RGS9: variants seen among roughly 807,000 people sequenced by gnomAD.
RGS9 encodes regulator of G-protein signalling 9.
RGS9 carries 78 observed loss-of-function variants against 102.0 expected under a neutral mutation model. That is an observed-to-expected ratio of 0.76 (90% CI 0.64 to 0.92). The LOEUF (loss-of-function observed/expected upper bound fraction) is 0.92, where lower values mean the gene tolerates loss of function less well. Ranked by LOEUF, RGS9 falls within the 40% of genes least tolerant of loss-of-function variation. The pLI is 0.00. For missense variants in RGS9, 833 were observed against 866.1 expected, an observed-to-expected ratio of 0.96 and a Z score of 0.48; for synonymous variants, 353 against 318.6, an observed-to-expected ratio of 1.11 and a Z score of -1.15.
intron 15 of RGS9, among the ~76,000 whole-genome samples, chr17:65,206,436 T>G (rs567513746): frequency 5.3e-5 from 8 of 152,288 alleles, no homozygotes; most frequent in Admixed American, 4.6e-4. Context: ...TCCCAGTACT[T>G]TGGAAGGCTG....
Position 65,158,357 on chromosome 17 carries a change from T to C in RGS9, c.205+12T>C, listed in dbSNP as rs147180574. On this transcript the variant is annotated intron_variant, in intron 3 of 18. Coordinates refer to ENST00000262406, the MANE Select transcript of RGS9 (RefSeq NM_003835.4). ...GATCTCCAGTCTGGGTGAGAGCTCA[T>C]CTGGCACTCAGTTATCCGGGACAGC... is the stretch of plus-strand genomic sequence containing the variant. The C allele has an allele frequency of 4.6e-5, 74 of 1,612,942 alleles. 1 individual carries two copies. The East Asian group carries it at 1.6e-3, about 36-fold the overall frequency.
chr17:65,201,898 T>C (rs369983721), intron 13 of RGS9, 95 bp from the exon 14 acceptor site: 2 of 838,464 alleles, frequency 2.4e-6, no homozygotes, highest in Non-Finnish European at 4.1e-6. Flanking sequence ...GGAAATGGAA[T>C]CCATCCCGGT....
At chr17:65,168,101 C>A in intron 7 of RGS9, 99 bp from the exon 8 acceptor site, 1 of 738,224 alleles carries the variant, frequency 1.4e-6, no homozygotes, top group African/African-American at 1.7e-5. Context: ...ATTACTTGGG[C>A]AGGTTGGGAG....
chr17:65,154,649 G>A (rs1206900266), intron 2 of RGS9, among the ~76,000 whole-genome samples: 1 of 152,190 alleles, frequency 6.6e-6, no homozygotes, highest in Non-Finnish European at 1.5e-5. Context: ...TCTGTGTGTG[G>A]GGGTGAGGTG....
chr17:65,217,289 C>T (rs557626007), intron 17 of RGS9, among the ~76,000 whole-genome samples: 1 of 152,222 alleles, frequency 6.6e-6, no homozygotes, highest in Admixed American at 6.5e-5. Flanking sequence ...CCATCTCATC[C>T]CCTGCTGTGG....
chr17:65,150,499 G>A (rs1020339666), intron 1 of RGS9, among the ~76,000 whole-genome samples: 14 of 152,120 alleles, frequency 9.2e-5, no homozygotes, highest in African/African-American at 2.9e-4. Flanking sequence ...GCGGGCACCT[G>A]TAATCCCAGC....
At chr17:65,145,005 C>T (rs1396111669) in intron 1 of RGS9, among the ~76,000 whole-genome samples, 1 of 152,142 alleles carries the variant, frequency 6.6e-6, no homozygotes, top group African/African-American at 2.4e-5. Flanking sequence ...CCCTCTGTGT[C>T]TATCTGTGTC....
intron 12 of RGS9, 45 bp from the exon 13 acceptor site, chr17:65,197,077 CCTGT>C: frequency 7.2e-7 from 1 of 1,384,252 alleles, no homozygotes; most frequent in Non-Finnish European, 1.0e-6. Flanking sequence ...CAGGCCACCA[CCTGT>C]CACAACCGCT....
At chr17:65,186,799 G>A (rs1486497325) in intron 9 of RGS9, among the ~76,000 whole-genome samples, 3 of 152,124 alleles carry the variant, frequency 2.0e-5, no homozygotes, top group Non-Finnish European at 4.4e-5. Context: ...CTTAAGCTTT[G>A]TAAAGACTCA....
chr17:65,169,679 T>G (rs1026733649), intron 8 of RGS9, among the ~76,000 whole-genome samples: 2 of 152,190 alleles, frequency 1.3e-5, no homozygotes, highest in South Asian at 4.1e-4. Context: ...TAGCTATGCA[T>G]TAACATGAAA....
In RGS9 at chr17:65,227,501, A is replaced by C; in HGVS notation, c.*94A>C. 1 of 1,501,188 alleles carries C rather than the reference A, an allele frequency of 6.7e-7. No homozygotes were observed. The highest frequency in any genetic ancestry group is 9.1e-7 in the Non-Finnish European group (1 of 1,103,842). 93.0% of individuals were successfully genotyped at this position (1,501,188 alleles called of 1,614,324 possible). On this transcript the variant is annotated 3_prime_UTR_variant, in exon 19 of 19. Transcript: ENST00000262406. ...CACAGGACACACTTGCTCGAGAACC[A>C]AAGTGCATTTGGGTGACATTTGAAG... is the stretch of plus-strand genomic sequence containing the variant.
chr17:65,138,426 C>T (rs1197472823), intron 1 of RGS9, among the ~76,000 whole-genome samples: 7 of 152,094 alleles, frequency 4.6e-5, no homozygotes, highest in African/African-American at 1.7e-4. Context: ...ACAAGCTGAG[C>T]TCTCCCTGAG....
chr17:65,149,572 C>T (rs1181970854), intron 1 of RGS9, among the ~76,000 whole-genome samples: 1 of 152,054 alleles, frequency 6.6e-6, no homozygotes, highest in East Asian at 1.9e-4. Flanking sequence ...TCCTGGGCAC[C>T]TAAACACAAC....
chr17:65,217,626 A>G (rs1598009418), intron 17 of RGS9, among the ~76,000 whole-genome samples: 1 of 152,218 alleles, frequency 6.6e-6, no homozygotes, highest in South Asian at 2.1e-4. Context: ...GGCGAGAGAT[A>G]TAGTGGTAAC....
chr17:65,158,853 T>A (rs1910873026), intron 3 of RGS9: 1 of 260,620 alleles, frequency 3.8e-6, no homozygotes, highest in Non-Finnish European at 7.5e-6. Context: ...TTTTTGAGCA[T>A]GGCAATGTGC....
At chr17:65,203,418 G>C (rs1210825333) in intron 14 of RGS9, among the ~76,000 whole-genome samples, 1 of 152,188 alleles carries the variant, frequency 6.6e-6, no homozygotes, top group Non-Finnish European at 1.5e-5. Context: ...CAGGAAGCCC[G>C]CTGCCTCTGC....
chr17:65,177,697 C>T, intron 8 of RGS9, 35 bp from the exon 9 acceptor site: 1 of 1,594,456 alleles, frequency 6.3e-7, no homozygotes, highest in Non-Finnish European at 8.6e-7. Flanking sequence ...GAGACTCTCC[C>T]TGTAATGACC....
At chr17:65,202,444 T>TGTGTGAGAGA (rs3838367) in intron 14 of RGS9, among the ~76,000 whole-genome samples, 81 of 131,786 alleles carry the variant, frequency 6.1e-4, no homozygotes, top group Middle Eastern at 7.9e-3. Flanking sequence ...TGTGTGTGTG[T>TGTGTGAGAGA]GAGAGAGAGA....
intron 14 of RGS9, 89 bp from the exon 15 acceptor site, chr17:65,204,070 ATTCG>A (rs747561046): frequency 4.0e-6 from 6 of 1,487,958 alleles, no homozygotes; most frequent in Non-Finnish European, 5.6e-6. Flanking sequence ...TCGGTAACCG[ATTCG>A]TATCAGTCCT....
Sources: allele counts gnomAD v4.1 joint callset (sites outside exome capture counted in the v4.1 genomes callset), GRCh38; gene constraint gnomAD v4.1.1; transcripts MANE v1.5; gene names NCBI Gene and HGNC (gene_info 2026-07-23, HGNC 2026-07-21).